The following ARFRP1 variants were observed in gnomAD, a reference collection of about 807,000 sequenced individuals.
ARFRP1 encodes the protein ARF related protein 1.
A neutral mutation model predicts 30.3 loss-of-function variants in ARFRP1; 19 were observed. The ratio of observed to expected loss-of-function variants is 0.63; its 90% CI spans 0.44 to 0.92. The LOEUF is 0.92. ARFRP1 is among the 40% of genes least tolerant of loss of function. The pLI, the probability that ARFRP1 is intolerant of heterozygous loss-of-function variation, is 0.00. For synonymous variants in ARFRP1, 133 were observed against 114.2 expected, an observed-to-expected ratio of 1.16 and a Z score of -1.05; for missense variants, 245 against 267.5, an observed-to-expected ratio of 0.92 and a Z score of 0.59.
chr20:63,701,996 C>CT, intron 5 of ARFRP1, 96 bp from the exon 6 acceptor site: 5 of 981,762 alleles, frequency 5.1e-6, no homozygotes, highest in African/African-American at 2.2e-5. Context: ...GCCACTCCCT[C>CT]TGCCCCCCCC....
In ARFRP1 at chr20:63,706,926, A is replaced by C. The variant is rs2091502775; in HGVS notation, c.93+73T>G. 1.9e-6 allele frequency: 3 copies of C among 1,555,536 alleles called. No individual in the cohort carries two copies. In the South Asian group the frequency reaches 3.4e-5, roughly 17 times the overall value. ...GCTTCCGTCTGGGTAGTGAACGTGC[A>C]GCTGACAGCACAAAACCGAAGGGGG... is the stretch of plus-strand genomic sequence containing the variant. On this transcript the variant is annotated intron_variant, in intron 2 of 7. Coordinates refer to ENST00000622789, the MANE Select transcript of ARFRP1 (RefSeq NM_001267547.3).
chr20:63,701,998 G>GCACCCCCCCCCCCC, intron 5 of ARFRP1, 98 bp from the exon 6 acceptor site: 1 of 583,916 alleles, frequency 1.7e-6, no homozygotes, highest in Non-Finnish European at 2.6e-6. Context: ...CACTCCCTCT[G>GCACCCCCCCCCCCC]CCCCCCCCCC....
intron 3 of ARFRP1, 68 bp from the exon 4 acceptor site, chr20:63,706,507 C>A: frequency 6.4e-7 from 1 of 1,563,042 alleles, no homozygotes; most frequent in South Asian, 1.1e-5. Context: ...CCAGCTCTCC[C>A]AGGGGATGGG....
rs1568752986 is a variant in ARFRP1 at position 63,701,889 on chromosome 20, TCAC to T, written c.355_357del (p.Val119del). On this transcript the variant is annotated inframe_deletion, in exon 6 of 8. Transcript: ENST00000622789. ...GGGACACCGCACAGCGCCTCGCTGG[TCAC>T]CACCTTCTCTGGGGAGGGCAGGAGA... 3.2e-6 allele frequency: 5 copies of T among 1,549,316 alleles called. No homozygotes were observed. Among genetic ancestry groups the T allele is most frequent in the Non-Finnish European group, 4.4e-6 (5 of 1,146,826 alleles).
intron 2 of ARFRP1, 52 bp from the exon 3 acceptor site, chr20:63,706,790 C>T (rs1421893098): frequency 1.4e-6 from 2 of 1,444,024 alleles, no homozygotes; most frequent in African/African-American, 1.4e-5. Context: ...ATACTGGCTT[C>T]CAAATATCCT....
chr20:63,700,456 C>G lies in ARFRP1; in HGVS notation c.593G>C (p.Arg198Thr), dbSNP rs367676832. Residue 198 changes from arginine (R) to threonine (T), a missense_variant, in exon 8 of 8, where the codon AGG becomes ACG. Coordinates refer to ENST00000622789, the MANE Select transcript of ARFRP1 (RefSeq NM_001267547.3). ...VRNVHRPPRQ[R>T]DIT ...GCGCGGCTGCGCCTACGTGATGTCC[C>G]TCTGCCGCGGCGGCCGGTGCACATT... 9 of 1,609,100 alleles carry G rather than the reference C, an allele frequency of 5.6e-6. No individual in the cohort carries two copies. The highest frequency in any genetic ancestry group is 7.6e-6 in the Non-Finnish European group (9 of 1,179,832).
intron 2 of ARFRP1, 62 bp downstream of exon 2, chr20:63,706,937 C>T (rs1484606618): frequency 8.2e-6 from 13 of 1,594,420 alleles, no homozygotes; most frequent in Non-Finnish European, 1.1e-5. Context: ...GCTGACAGCA[C>T]AAAACCGAAG....
Position 63,700,386 on chromosome 20 carries a change from G to A in ARFRP1, c.*57C>T, listed in dbSNP as rs2091138924. ...CAGATCAGCAGCATGGGAGCCAACA[G>A]GAGGCCACTCCTCCAGCACCAGGGG... On this transcript the variant is annotated 3_prime_UTR_variant, in exon 8 of 8. Transcript: ENST00000622789. 2 of 1,597,908 alleles carry A rather than the reference G, an allele frequency of 1.3e-6. No individual in the cohort carries two copies. The highest frequency in any genetic ancestry group is 2.7e-5 in the African/African-American group (2 of 74,938).
intron 6 of ARFRP1, chr20:63,701,591 G>A (rs2091207133): frequency 5.1e-6 from 3 of 593,394 alleles, no homozygotes; most frequent in East Asian, 2.8e-5. Context: ...GCCCTGCATA[G>A]CAGGAAGAGG....
chr20:63,703,512 C>T (rs1023662193), intron 4 of ARFRP1: 1 of 152,578 alleles, frequency 6.6e-6, no homozygotes, highest in Non-Finnish European at 1.5e-5. Flanking sequence ...CCAGGAACTT[C>T]TCTGGCCTAC....
At chr20:63,705,779 T>C (rs765389885) in intron 4 of ARFRP1, 2 of 532,736 alleles carry the variant, frequency 3.8e-6, no homozygotes, top group East Asian at 5.5e-5. Flanking sequence ...CCCCACACTT[T>C]GTCTTGTCCT....
chr20:63,701,219 AG>A (rs1200435460), intron 6 of ARFRP1: 1 of 530,190 alleles, frequency 1.9e-6, no homozygotes, highest in East Asian at 5.5e-5. Context: ...CTGAGATTGT[AG>A]GGGAGGCCAG....
chr20:63,702,354 C>T, intron 4 of ARFRP1, 137 bp from the exon 5 acceptor site: 1 of 778,508 alleles, frequency 1.3e-6, no homozygotes, highest in Non-Finnish European at 2.1e-6. Context: ...CAAGACCCTT[C>T]TGGGATGCAT....
intron 4 of ARFRP1, chr20:63,705,761 C>T (rs759302359): frequency 3.8e-6 from 2 of 533,076 alleles, no homozygotes; most frequent in South Asian, 1.4e-5. Context: ...AGTGCAGGGT[C>T]CCCAGGTCCC....
At chr20:63,705,409 G>C (rs988594023) in intron 4 of ARFRP1, 53 of 271,144 alleles carry the variant, frequency 2.0e-4, no homozygotes, top group South Asian at 1.2e-3. Context: ...AGGGCAGGGA[G>C]CCCGAGGAAG....
At chr20:63,701,508 C>CT (rs2091203734) in intron 6 of ARFRP1, 4 of 530,832 alleles carry the variant, frequency 7.5e-6, no homozygotes, top group Non-Finnish European at 1.4e-5. Context: ...TCTTTGAGCT[C>CT]TGAGTTTCAC....
Position 63,699,790 on chromosome 20 carries a change from CTCAGCT to C in ARFRP1, c.*647_*652del, listed in dbSNP as rs1291629772. 6.5e-6 allele frequency: 1 copy of C among 154,524 alleles called. No homozygotes were observed. The highest frequency in any genetic ancestry group is 1.4e-5 in the Non-Finnish European group (1 of 69,646). 9.6% of individuals were successfully genotyped at this position (154,524 alleles called of 1,614,324 possible). A position where few individuals can be genotyped will look rare whatever the true frequency, so the allele number is the denominator to read the frequency against. On this transcript the variant is annotated 3_prime_UTR_variant, in exon 8 of 8. Transcript: ENST00000622789. ...AAAACAGCCACTCCCAGCAGGCCCC[CTCAGCT>C]TTTTGCATCAGTCAGCTCCCTCCCG...
chr20:63,698,660 AT>A lies in ARFRP1; in HGVS notation c.*1782del, dbSNP rs113684407. The A allele has an allele frequency of 5.4e-3, 7,050 of 1,310,630 alleles. 333 individuals are homozygous for A. In the African/African-American group the frequency reaches 0.099, roughly 18 times the overall value. 81.2% of individuals were successfully genotyped at this position (1,310,630 alleles called of 1,614,324 possible). On this transcript the variant is annotated 3_prime_UTR_variant, in exon 8 of 8. Transcript: ENST00000622789. Reference sequence around the variant, plus strand: ...GAAGAAATGAGGTTTCTTAAAGCTTATTTTTATAAAGCTTTTTCATAAAACT... The same window carrying A: ...GAAGAAATGAGGTTTCTTAAAGCTTATTTTATAAAGCTTTTTCATAAAACT...
At position 63,700,446 on chromosome 20, in the gene ARFRP1, C is replaced by T. The variant is rs375815267; in HGVS notation, c.603G>A (p.Thr201=). ...VHRPPRQRDI[T] is the part of the protein sequence containing the mutation. ...CCCGACGGCAGCGCGGCTGCGCCTA[C>T]GTGATGTCCCTCTGCCGCGGCGGCC... Residue 201 remains threonine, a synonymous_variant, in exon 8 of 8, where the codon ACG becomes ACA. Coordinates refer to ENST00000622789, the MANE Select transcript of ARFRP1 (RefSeq NM_001267547.3). 5.5e-5 allele frequency: 88 copies of T among 1,608,692 alleles called. No individual in the cohort carries two copies. Among genetic ancestry groups the T allele is most frequent in the East Asian group, 8.9e-5 (4 of 44,882 alleles).
Sources: allele counts gnomAD v4.1 joint callset, GRCh38; gene constraint gnomAD v4.1.1; transcripts MANE v1.5; gene names NCBI Gene and HGNC (gene_info 2026-07-23, HGNC 2026-07-21).